SH3TC1: variants seen among roughly 807,000 people sequenced by gnomAD.
SH3TC1 encodes the protein SH3 domain and tetratricopeptide repeat-containing protein 1.
A neutral mutation model predicts 117.3 loss-of-function variants in SH3TC1; 135 were observed. The ratio of observed to expected loss-of-function variants is 1.15; its 90% CI spans 1.00 to 1.33. The LOEUF is 1.33. Among genes scored for constraint, SH3TC1 ranks in the 40% most tolerant of loss-of-function variants. The pLI is 0.00. For missense variants in SH3TC1, 2,092 were observed against 1,794.3 expected (o/e 1.17, Z -3.00); for synonymous variants, 898 against 816.9 (o/e 1.10, Z -1.69).
At chr4:8,195,867 C>T (rs186857751), upstream of SH3TC1, among the ~76,000 whole-genome samples, 61 of 152,338 alleles carry the variant, frequency 4.0e-4, no homozygotes, top group African/African-American at 1.4e-3. Flanking sequence ...AGCAAGTTGA[C>T]ACAGGTGGTC....
At chr4:8,236,159 T>C in intron 15 of SH3TC1, 119 bp from the exon 16 acceptor site, 1 of 1,264,606 alleles carries the variant, frequency 7.9e-7, no homozygotes, top group South Asian at 1.6e-5. Context: ...CACACAGCTG[T>C]GTCGAGGCCC....
intron 4 of SH3TC1, among the ~76,000 whole-genome samples, chr4:8,213,980 G>A (rs1013664476): frequency 3.9e-5 from 6 of 152,044 alleles, no homozygotes; most frequent in African/African-American, 9.7e-5. Context: ...TTCCCGAGTC[G>A]GAAGAGTTCC....
chr4:8,230,923 A>T (rs1050310179), intron 12 of SH3TC1, among the ~76,000 whole-genome samples: 1 of 151,244 alleles, frequency 6.6e-6, no homozygotes, highest in Non-Finnish European at 1.5e-5. Context: ...GGGATTACAG[A>T]CATGCACCAC....
In SH3TC1 at chr4:8,227,816, G is replaced by C; in HGVS notation, c.2122G>C (p.Asp708His). The change falls in exon 12 of 18, where the codon GAC becomes CAC. Residue 708 changes from aspartate (D) to histidine (H), a missense_variant. Coordinates refer to ENST00000245105, the MANE Select transcript of SH3TC1 (RefSeq NM_018986.5). Reference sequence around the variant, plus strand: ...AGCCCCAGAGGCCGCGTGGCTCTCAGACTGCTACCTACTCCTGGCTGACAT... The same window carrying C: ...AGCCCCAGAGGCCGCGTGGCTCTCACACTGCTACCTACTCCTGGCTGACAT... ...SGAPEAAWLS[D>H]CYLLLADIYS... is the part of the protein sequence containing the mutation. 6.2e-7 allele frequency: 1 copy of C among 1,612,784 alleles called. No homozygotes were observed. Among genetic ancestry groups the C allele is most frequent in the East Asian group, 2.2e-5 (1 of 44,882 alleles).
rs1185969175 is a variant in SH3TC1, at chr4:8,225,194, G to C, written c.1263G>C (p.Glu421Asp). The C allele has an allele frequency of 6.2e-7, 1 of 1,613,718 alleles. No homozygotes were observed. Among genetic ancestry groups the C allele is most frequent in the Non-Finnish European group, 8.5e-7 (1 of 1,179,968 alleles). ...TGCCAGACTCAGTAGAGGAAGCTGA[G>C]ACCGAGCAGCCGCAGGAAAAAGGTG... ...VYSLDSVEEA[E>D]TEQPQEKEIP... Residue 421 changes from glutamate to aspartate, a missense_variant, in exon 11 of 18, where the codon GAG becomes GAC. Coordinates refer to ENST00000245105, the MANE Select transcript of SH3TC1 (RefSeq NM_018986.5). The surrounding 1 kb of genome is among the most constrained non-coding windows in gnomAD (Gnocchi z 5.5).
In SH3TC1 at chr4:8,209,662, C is replaced by T. The variant is rs936638821; in HGVS notation, c.173-86C>T. 1.3e-6 allele frequency: 2 copies of T among 1,580,480 alleles called. No homozygotes were observed. The highest frequency in any genetic ancestry group is 1.8e-5 in the Admixed American group (1 of 54,772). On this transcript the variant is annotated intron_variant, in intron 2 of 17. Transcript: ENST00000245105. The surrounding 1 kb of genome is among the most constrained non-coding windows in gnomAD (Gnocchi z 5.9). ...GGGACAGAACTCACCTCTTTTCTTG[C>T]AGAGAGACCTGGAGCGTTTGGCGCC... is the stretch of plus-strand genomic sequence containing the variant.
At chr4:8,233,275 G>A in intron 13 of SH3TC1, 88 bp from the exon 14 acceptor site, 1 of 1,508,868 alleles carries the variant, frequency 6.6e-7, no homozygotes. Flanking sequence ...TCCCATTCCA[G>A]ATTCATCTGT....
chr4:8,203,891 C>T (rs1278281763), intron 1 of SH3TC1, among the ~76,000 whole-genome samples: 2 of 152,186 alleles, frequency 1.3e-5, no homozygotes, highest in Non-Finnish European at 2.9e-5. Flanking sequence ...TCCCCTGCCA[C>T]GTTCCCCGCC....
At position 8,228,485 on chromosome 4, in the gene SH3TC1, C is replaced by T. The variant is rs200362394; in HGVS notation, c.2791C>T (p.Arg931Trp). The change falls in exon 12 of 18, where the codon CGG (arginine) becomes TGG (tryptophan). Residue 931 changes from arginine to tryptophan, a missense_variant. Physicochemically the swap from Arg to Trp is moderately radical, Grantham distance 101 (BLOSUM62 -3). Coordinates refer to ENST00000245105, the MANE Select transcript of SH3TC1 (RefSeq NM_018986.5). ...CCAGCACTACCTCCTGGAGGCCGTGCGGCTGTTCTCGAGGCTGCCCCTTGG... is the reference window on the plus strand; with the variant it reads ...CCAGCACTACCTCCTGGAGGCCGTGTGGCTGTTCTCGAGGCTGCCCCTTGG... Reference protein sequence around the residue: ...LAQHYLLEAVRLFSRLPLGEC... With the variant: ...LAQHYLLEAVWLFSRLPLGEC... The T allele has an allele frequency of 3.8e-5, 61 of 1,610,484 alleles. No individual in the cohort carries two copies. The highest frequency in any genetic ancestry group is 3.3e-4 in the Admixed American group (20 of 59,902).
chr4:8,195,683 G>T (rs1717539697), upstream of SH3TC1, among the ~76,000 whole-genome samples: 1 of 152,002 alleles, frequency 6.6e-6, no homozygotes, highest in African/African-American at 2.4e-5. Context: ...GTAGCTTCCA[G>T]AAAAACAAAC....
Position 8,225,295 on chromosome 4 carries a change from G to A in SH3TC1, c.1285+79G>A, listed in dbSNP as rs1390264555. The A allele has an allele frequency of 6.7e-6, 10 of 1,495,594 alleles. No homozygotes were observed. Among genetic ancestry groups the A allele is most frequent in the African/African-American group, 2.8e-5 (2 of 72,378 alleles). The allele number at this position is 1,495,594 out of a possible 1,614,324, so 92.6% of individuals were successfully genotyped here. On this transcript the variant is annotated intron_variant, in intron 11 of 17. Transcript: ENST00000245105. The surrounding 1 kb of genome is among the most constrained non-coding windows in gnomAD (Gnocchi z 5.5). The stretch of plus-strand genomic sequence containing the variant: ...TAACGCTGGGGGAGGTGACAAAGCT[G>A]AGCACGGTGGGCATTGGGTGCGGCT...
chr4:8,228,975 G>A (rs1333792769), intron 12 of SH3TC1, among the ~76,000 whole-genome samples: 5 of 152,194 alleles, frequency 3.3e-5, no homozygotes, highest in Non-Finnish European at 5.9e-5. Context: ...GGCAGGCTCC[G>A]CTGAGCTGGG....
chr4:8,231,875 A>G (rs923327473), intron 12 of SH3TC1, 101 bp from the exon 13 acceptor site: 26 of 1,367,716 alleles, frequency 1.9e-5, no homozygotes, highest in Admixed American at 3.8e-5. Context: ...CCAGGCTCAC[A>G]GAGGTGTGAA....
chr4:8,195,155 T>A (rs1717521624), upstream of SH3TC1, among the ~76,000 whole-genome samples: 1 of 152,226 alleles, frequency 6.6e-6, no homozygotes, highest in African/African-American at 2.4e-5. Context: ...AAGCCCCATG[T>A]GATGACAATC....
chr4:8,193,292 C>T (rs921745032), intron 1 of SH3TC1, among the ~76,000 whole-genome samples: 6 of 152,182 alleles, frequency 3.9e-5, no homozygotes, highest in African/African-American at 7.2e-5. Context: ...CCCTGGCCTC[C>T]GCATTCCTGA....
chr4:8,205,430 C>G lies in SH3TC1; in HGVS notation c.172+64C>G, dbSNP rs758448554. The stretch of plus-strand genomic sequence containing the variant: ...ACCCACTTCTCCACCCCACCCGCCC[C>G]GTCCATCCATCCCTCACCACCCTGC... On this transcript the variant is annotated intron_variant, in intron 2 of 17. Coordinates refer to ENST00000245105, the MANE Select transcript of SH3TC1 (RefSeq NM_018986.5). This position sits in a 1 kb window ranked among gnomAD's most constrained non-coding sequence, Gnocchi z 5.4. 2 of 1,542,436 alleles carry G rather than the reference C, an allele frequency of 1.3e-6. No homozygotes were observed. Among genetic ancestry groups the G allele is most frequent in the Non-Finnish European group, 1.8e-6 (2 of 1,139,150 alleles).
intron 4 of SH3TC1, 166 bp downstream of exon 4, chr4:8,212,994 T>C (rs2152983987): frequency 2.2e-6 from 2 of 894,074 alleles, no homozygotes; most frequent in East Asian, 5.8e-5. Flanking sequence ...ACCCAGTGGG[T>C]GGCGAGGGCT....
rs920460261 is a variant in SH3TC1 at position 8,183,227 on chromosome 4, C to T, written c.-57+1017C>T. ...GCGAGTTCTGTTCACTACGAAGGAG[C>T]CCGTCCTCATCCTCCCCCTCGTTTA... is the stretch of plus-strand genomic sequence containing the variant. On this transcript the variant is annotated intron_variant, in intron 1 of 16. Coordinates refer to the SH3TC1 transcript ENST00000508641. The surrounding 1 kb of genome is among the most constrained non-coding windows in gnomAD (Gnocchi z 5.4). 2.6e-5 allele frequency among the ~76,000 whole-genome samples: 4 copies of T among 152,184 alleles called. No homozygotes were observed. The highest frequency in any genetic ancestry group is 9.7e-5 in the African/African-American group (4 of 41,436).
At position 8,206,189 on chromosome 4, in the gene SH3TC1, C is replaced by T. The variant is rs997205289; in HGVS notation, c.172+823C>T. 5.8e-5 allele frequency: 9 copies of T among 155,118 alleles called. No homozygotes were observed. Among genetic ancestry groups the T allele is most frequent in the Non-Finnish European group, 1.1e-4 (8 of 70,138 alleles). The allele number at this position is 155,118 out of a possible 1,614,324, so 9.6% of individuals were successfully genotyped here. On this transcript the variant is annotated intron_variant, in intron 2 of 17. Coordinates refer to ENST00000245105, the MANE Select transcript of SH3TC1 (RefSeq NM_018986.5). This position sits in a 1 kb window ranked among gnomAD's most constrained non-coding sequence, Gnocchi z 5.5. Reference sequence around the variant, plus strand: ...CAGGTGTGGGAGTGTTTTATACCTGCGATCCTGCCCTTCTGCTTGAGGGTG... The same window carrying T: ...CAGGTGTGGGAGTGTTTTATACCTGTGATCCTGCCCTTCTGCTTGAGGGTG...
Sources: gnomAD v4.1 joint callset for allele counts (sites outside exome capture counted in the v4.1 genomes callset) on GRCh38, gnomAD v4.1.1 for gene constraint, Gnocchi (gnomAD v3.1) non-coding constraint, MANE v1.5 for transcripts, NCBI Gene and HGNC (gene_info 2026-07-23, HGNC 2026-07-21) for gene names.